OOSP1: variants seen among roughly 807,000 people sequenced by gnomAD.
OOSP1 encodes the protein oocyte secreted protein 1.
A neutral mutation model predicts 5.7 loss-of-function variants in OOSP1; 11 were observed. The ratio of observed to expected loss-of-function variants is 1.94; its 90% confidence interval spans 1.22 to 3.20. OOSP1 has a LOEUF of 3.20. Ranked by LOEUF, OOSP1 falls within the 30% of genes most tolerant of loss-of-function variation. OOSP1 has a pLI of 0.00. For missense variants in OOSP1, 83 were observed against 54.1 expected (o/e 1.53, Z -1.67); for synonymous variants, 44 against 20.0 (o/e 2.20, Z -3.20).
intron 4 of OOSP1, among the ~76,000 whole-genome samples, chr11:59,955,448 C>A (rs1000269575): frequency 6.6e-6 from 1 of 151,928 alleles, no homozygotes; most frequent in African/African-American, 2.4e-5. Context: ...AGGGAAAATA[C>A]AAAATTTAAA....
At chr11:59,946,205 T>C (rs752630358) in intron 3 of OOSP1, among the ~76,000 whole-genome samples, 1 of 152,210 alleles carries the variant, frequency 6.6e-6, no homozygotes, top group African/African-American at 2.4e-5. Flanking sequence ...CGAACCCTAT[T>C]GTGAACTTCG....
chr11:59,953,779 C>A (rs769123234), intron 4 of OOSP1, among the ~76,000 whole-genome samples: 1 of 152,074 alleles, frequency 6.6e-6, no homozygotes, highest in African/African-American at 2.4e-5. Flanking sequence ...CATAGGAAAT[C>A]GACATGTAAT....
At chr11:59,956,216 T>C (rs1026416557) in intron 4 of OOSP1, among the ~76,000 whole-genome samples, 13 of 152,022 alleles carry the variant, frequency 8.6e-5, no homozygotes, top group African/African-American at 3.1e-4. Context: ...TTTTTTAAAG[T>C]AATTCATTTT....
chr11:59,945,586 C>CAA (rs530206371), intron 3 of OOSP1, among the ~76,000 whole-genome samples: 2,143 of 136,220 alleles, frequency 0.016, 53 homozygotes, highest in African/African-American at 0.054. Context: ...CTAAAAATAC[C>CAA]AAAAAAAAAA....
intron 4 of OOSP1, among the ~76,000 whole-genome samples, chr11:59,949,322 A>T (rs141158622): frequency 1.3e-5 from 2 of 152,204 alleles, no homozygotes; most frequent in African/African-American, 2.4e-5. Context: ...GAGGCAGAGT[A>T]AGAAGACAGG....
At chr11:59,954,314 C>G (rs1314996056) in intron 4 of OOSP1, among the ~76,000 whole-genome samples, 2 of 151,820 alleles carry the variant, frequency 1.3e-5, no homozygotes, top group Non-Finnish European at 2.9e-5. Flanking sequence ...TGCCCTTGTT[C>G]CATGAAAGCA....
intron 4 of OOSP1, chr11:59,948,790 A>G (rs1368717756): frequency 5.0e-6 from 2 of 398,036 alleles, no homozygotes; most frequent in Non-Finnish European, 8.9e-6. Context: ...TGATATTGAG[A>G]GGCAATTTGG....
At chr11:59,945,249 G>A (rs1161865964) in exon 3 of OOSP1, 2 of 702,896 alleles carry the variant, frequency 2.8e-6, no homozygotes, top group Admixed American at 2.0e-5. Flanking sequence ...AAATGCCTCT[G>A]TCGTGTGTCG....
intron 4 of OOSP1, among the ~76,000 whole-genome samples, chr11:59,949,519 T>C (rs1379787424): frequency 1.3e-5 from 2 of 150,568 alleles, no homozygotes; most frequent in African/African-American, 4.9e-5. Context: ...AAAAAGAATA[T>C]GGGAACAGCT....
At chr11:59,943,647 T>C (rs887557206) in intron 2 of OOSP1, among the ~76,000 whole-genome samples, 2 of 152,298 alleles carry the variant, frequency 1.3e-5, no homozygotes, top group African/African-American at 4.8e-5. Context: ...ACTAATTATT[T>C]ATTATAATTC....
At chr11:59,940,231 A>G (rs1259413989) in intron 1 of OOSP1, among the ~76,000 whole-genome samples, 2 of 152,262 alleles carry the variant, frequency 1.3e-5, no homozygotes, top group Non-Finnish European at 2.9e-5. Context: ...GCAGGTAACT[A>G]TAAGGAATAA....
At chr11:59,949,962 G>A (rs999867849) in intron 4 of OOSP1, among the ~76,000 whole-genome samples, 1 of 152,172 alleles carries the variant, frequency 6.6e-6, no homozygotes, top group African/African-American at 2.4e-5. Flanking sequence ...TATAGACCCA[G>A]GGATGCTGCT....
chr11:59,950,156 T>C (rs966821469), intron 4 of OOSP1, among the ~76,000 whole-genome samples: 10 of 151,944 alleles, frequency 6.6e-5, no homozygotes, highest in Non-Finnish European at 1.0e-4. Flanking sequence ...ATCTGGAGAG[T>C]TTAGGATTTA....
At chr11:59,948,000 C>T (rs1853903703) in intron 4 of OOSP1, 138 bp downstream of exon 4, 1 of 393,948 alleles carries the variant, frequency 2.5e-6, no homozygotes, top group South Asian at 1.4e-4. Flanking sequence ...TTCAAGAATG[C>T]AAATTCATGA....
At chr11:59,941,524 C>T (rs527467295) in intron 1 of OOSP1, among the ~76,000 whole-genome samples, 16 of 151,906 alleles carry the variant, frequency 1.1e-4, no homozygotes, top group Non-Finnish European at 2.2e-4. Flanking sequence ...GGATTACAGG[C>T]ACGTGCCACC....
intron 4 of OOSP1, among the ~76,000 whole-genome samples, chr11:59,956,445 T>C (rs1214969151): frequency 2.6e-5 from 4 of 152,196 alleles, no homozygotes; most frequent in Non-Finnish European, 2.9e-5. Context: ...GTATATCCTC[T>C]GCCCTGATTT....
chr11:59,939,001 G>A (rs549880664), intron 1 of OOSP1, among the ~76,000 whole-genome samples: 8 of 152,304 alleles, frequency 5.3e-5, no homozygotes, highest in Admixed American at 2.0e-4. Context: ...AGTGAGGTGA[G>A]CAGTGGTCCA....
At chr11:59,942,105 G>A (rs1853833857) in intron 1 of OOSP1, among the ~76,000 whole-genome samples, 1 of 152,076 alleles carries the variant, frequency 6.6e-6, no homozygotes, top group South Asian at 2.1e-4. Flanking sequence ...TATCTTAAGA[G>A]CAACTGATAA....
At chr11:59,954,182 T>G (rs1168183092) in intron 4 of OOSP1, among the ~76,000 whole-genome samples, 43 of 152,156 alleles carry the variant, frequency 2.8e-4, no homozygotes. Flanking sequence ...AGCTCCATTA[T>G]AATCTCATGG....
Sources: gnomAD v4.1 joint callset for allele counts (sites outside exome capture counted in the v4.1 genomes callset) on GRCh38, gnomAD v4.1.1 for gene constraint, MANE v1.5 for transcripts, NCBI Gene and HGNC (gene_info 2026-07-23, HGNC 2026-07-21) for gene names.